COMT: variants seen among roughly 807,000 people sequenced by gnomAD.
COMT encodes catechol-O-methyltransferase, also known as catechol O-methyltransferase.
COMT carries 13 observed loss-of-function variants against 18.9 expected under a neutral mutation model. The ratio of observed to expected loss-of-function variants is 0.69; its 90% CI spans 0.45 to 1.09. The LOEUF (loss-of-function observed/expected upper bound fraction) is 1.09, where lower values mean the gene tolerates loss of function less well. Among genes scored for constraint, COMT ranks in the 50% least tolerant of loss-of-function variants. COMT has a pLI of 0.00. For synonymous variants in COMT, 150 were observed against 160.9 expected (o/e 0.93, Z 0.51); for missense variants, 329 against 361.8 (o/e 0.91, Z 0.73).
Position 19,968,622 on chromosome 22 carries a change from C to T in COMT, c.702C>T (p.Arg234=), listed in dbSNP as rs369589068. The T allele has an allele frequency of 8.1e-6, 13 of 1,613,954 alleles. No individual in the cohort carries two copies. Among genetic ancestry groups the T allele is most frequent in the Admixed American group, 1.7e-5 (1 of 60,012 alleles). ...CGCCAGACTTCCTAGCACACGTGCG[C>T]GGGAGCAGCTGCTTTGAGTGCACAC... ...PGAPDFLAHV[R]GSSCFECTHY... Residue 234 remains arginine, a synonymous_variant, in exon 6 of 6, where the codon CGC becomes CGT. Coordinates refer to ENST00000361682, the MANE Select transcript of COMT (RefSeq NM_000754.4).
intron 1 of COMT, among the ~76,000 whole-genome samples, chr22:19,953,170 G>T (rs1195957048): frequency 6.6e-6 from 1 of 152,088 alleles, no homozygotes; most frequent in African/African-American, 2.4e-5. Context: ...CCTGGGCGCT[G>T]GGGGTGGGGC....
intron 1 of COMT, among the ~76,000 whole-genome samples, chr22:19,943,259 T>A (rs1941775122): frequency 1.3e-5 from 2 of 152,220 alleles, no homozygotes; most frequent in Admixed American, 1.3e-4. Flanking sequence ...CTGTTCTGTG[T>A]TGTGTTCATA....
At chr22:19,942,197 C>A (rs1359892105) in intron 1 of COMT, among the ~76,000 whole-genome samples, 1 of 152,158 alleles carries the variant, frequency 6.6e-6, no homozygotes, top group Non-Finnish European at 1.5e-5. Flanking sequence ...CGCTTCAAGA[C>A]TGGGTTGGGG....
At chr22:19,964,146 G>A in intron 4 of COMT, 22 bp from the exon 5 acceptor site, 1 of 1,613,972 alleles carries the variant, frequency 6.2e-7, no homozygotes, top group Non-Finnish European at 8.5e-7. Flanking sequence ...GAGGACGTGG[G>A]CACTGACAGG....
rs897590048 is a variant in COMT, at chr22:19,963,603, C to G, written c.327C>G (p.Pro109=). The G allele has an allele frequency of 6.2e-7, 1 of 1,612,824 alleles. No individual in the cohort carries two copies. Among genetic ancestry groups the G allele is most frequent in the Non-Finnish European group, 8.5e-7 (1 of 1,180,020 alleles). ...ACGCCGTGATTCAGGAGCACCAGCC[C>G]TCCGTGCTGCTGGAGCTGGGGGCCT... ...IVDAVIQEHQ[P]SVLLELGAYC... Residue 109 remains proline, a synonymous_variant, in exon 4 of 6, where the codon CCC becomes CCG. Coordinates refer to ENST00000361682, the MANE Select transcript of COMT (RefSeq NM_000754.4).
intron 1 of COMT, among the ~76,000 whole-genome samples, chr22:19,948,707 C>T (rs1941879250): frequency 6.6e-6 from 1 of 151,994 alleles, no homozygotes; most frequent in Admixed American, 6.6e-5. Context: ...ATAATCCCAG[C>T]ATTTTGGGAG....
chr22:19,962,828 C>G lies in COMT; in HGVS notation c.289+13C>G, dbSNP rs1398073479. 4 of 1,597,066 alleles carry G rather than the reference C, an allele frequency of 2.5e-6. No individual in the cohort carries two copies. The Admixed American group carries it at 5.0e-5, about 20-fold the overall frequency. On this transcript the variant is annotated intron_variant, in intron 3 of 5. Transcript: ENST00000361682. ...GGCGACAAGAAAGGTGGGGTCCGGG[C>G]CAGCAGGTGCTCAGCTCTGGGACAG...
intron 1 of COMT, among the ~76,000 whole-genome samples, chr22:19,953,060 G>A (rs35788262): frequency 0.098 from 14,901 of 152,224 alleles, 884 homozygotes; most frequent in South Asian, 0.13. Flanking sequence ...ATAGGCCAAG[G>A]TGAGGCTCAG....
At chr22:19,951,841 G>C (rs1941946223) in intron 1 of COMT, among the ~76,000 whole-genome samples, 1 of 152,218 alleles carries the variant, frequency 6.6e-6, no homozygotes. Context: ...ATCTGGGTTT[G>C]CCACGGGGGC....
intron 1 of COMT, among the ~76,000 whole-genome samples, chr22:19,950,127 G>A (rs1371872188): frequency 6.6e-6 from 1 of 151,298 alleles, no homozygotes; most frequent in African/African-American, 2.4e-5. Flanking sequence ...AGCTTTTTTA[G>A]GCCAATATAT....
chr22:19,942,926 C>G (rs1941766925), intron 1 of COMT, among the ~76,000 whole-genome samples: 1 of 152,160 alleles, frequency 6.6e-6, no homozygotes, highest in South Asian at 2.1e-4. Flanking sequence ...AAGTCAGGCC[C>G]CCAACCTCCC....
chr22:19,968,405 T>C, intron 5 of COMT, 131 bp from the exon 6 acceptor site: 1 of 875,562 alleles, frequency 1.1e-6, no homozygotes, highest in Non-Finnish European at 1.9e-6. Context: ...GGGCAGAAAG[T>C]GGAAACCTGG....
chr22:19,962,346 G>A (rs1433112225), intron 2 of COMT, 181 bp from the exon 3 acceptor site: 2 of 1,058,818 alleles, frequency 1.9e-6, no homozygotes, highest in South Asian at 1.5e-5. Context: ...GGCACCAGAG[G>A]GCACGAGAAG....
rs533573617 is a variant in COMT, at chr22:19,967,313, G to A, written c.616-1223G>A. The A allele has an allele frequency of 3.8e-4, 341 of 902,852 alleles. 1 individual carries two copies. Among genetic ancestry groups the A allele is most frequent in the Admixed American group, 6.7e-4 (29 of 43,062 alleles). The allele number at this position is 902,852 out of a possible 1,614,324, so 55.9% of individuals were successfully genotyped here. A position where few individuals can be genotyped will look rare whatever the true frequency, so the allele number is the denominator to read the frequency against. On this transcript the variant is annotated intron_variant, in intron 5 of 5. Transcript: ENST00000361682. ...CCCTGGCCCAGACTGGAAGGCAGCCGCCCTGCTCAAGGCCTAGGCCATTGT... is the reference window on the plus strand; with the variant it reads ...CCCTGGCCCAGACTGGAAGGCAGCCACCCTGCTCAAGGCCTAGGCCATTGT...
intron 1 of COMT, among the ~76,000 whole-genome samples, chr22:19,943,557 G>A (rs572506637): frequency 1.6e-3 from 246 of 151,924 alleles, no homozygotes; most frequent in African/African-American, 5.4e-3. Context: ...TGAAAAGATC[G>A]TTTGAGCCTG....
At chr22:19,952,993 TAAATAAATA>T (rs1418432374) in intron 1 of COMT, among the ~76,000 whole-genome samples, 1,542 of 51,226 alleles carry the variant, frequency 0.03, 30 homozygotes, top group African/African-American at 0.1. Context: ...AATAAATAAA[TAAATAAATA>T]AATAAAATGA....
At chr22:19,947,267 C>G (rs1941853776) in intron 1 of COMT, among the ~76,000 whole-genome samples, 1 of 152,058 alleles carries the variant, frequency 6.6e-6, no homozygotes, top group Non-Finnish European at 1.5e-5. Flanking sequence ...CTGTAGGGTC[C>G]AGCCCTACAG....
chr22:19,969,774 G>A lies in COMT; in HGVS notation c.*1038G>A. On this transcript the variant is annotated 3_prime_UTR_variant, in exon 6 of 6. Coordinates refer to ENST00000361682, the MANE Select transcript of COMT (RefSeq NM_000754.4). ...AGGGACCAGAAACAGAGCCTCTGCAGGACACAGCAGATGGGCACCTGGGAC... is the reference window on the plus strand; with the variant it reads ...AGGGACCAGAAACAGAGCCTCTGCAAGACACAGCAGATGGGCACCTGGGAC... 1 of 934,792 alleles carries A rather than the reference G, an allele frequency of 1.1e-6. No homozygotes were observed. The allele number at this position is 934,792 out of a possible 1,614,324, so 57.9% of individuals were successfully genotyped here. A position where few individuals can be genotyped will look rare whatever the true frequency, so the allele number is the denominator to read the frequency against.
Position 19,968,917 on chromosome 22 carries a change from A to G in COMT, c.*181A>G, listed in dbSNP as rs1942589639. ...CTGCAACACTGGATTGTTCTTTTTT[A>G]AGACTCAATCATGACTTCTTTACTA... On this transcript the variant is annotated 3_prime_UTR_variant, in exon 6 of 6. Coordinates refer to ENST00000361682, the MANE Select transcript of COMT (RefSeq NM_000754.4). 3.3e-6 allele frequency: 2 copies of G among 613,328 alleles called. No individual in the cohort carries two copies. Among genetic ancestry groups the G allele is most frequent in the Non-Finnish European group, 5.8e-6 (2 of 342,290 alleles). 38.0% of individuals were successfully genotyped at this position (613,328 alleles called of 1,614,324 possible). A position where few individuals can be genotyped will look rare whatever the true frequency, so the allele number is the denominator to read the frequency against.
Sources: gnomAD v4.1 joint callset for allele counts (sites outside exome capture counted in the v4.1 genomes callset) on GRCh38, gnomAD v4.1.1 for gene constraint, MANE v1.5 for transcripts, NCBI Gene and HGNC (gene_info 2026-07-23, HGNC 2026-07-21) for gene names.